ADAMTS2: variants seen among roughly 807,000 people sequenced by gnomAD.
ADAMTS2 encodes ADAM metallopeptidase with thrombospondin type 1 motif 2, also known as A disintegrin and metalloproteinase with thrombospondin motifs 2.
In ADAMTS2, 50 loss-of-function variants were observed where a neutral mutation model predicts 123.0. The observed-to-expected ratio is 0.41, with a 90% CI of 0.32 to 0.51. The LOEUF (loss-of-function observed/expected upper bound fraction) is 0.51. Ranked by LOEUF, ADAMTS2 falls within the 20% of genes least tolerant of loss-of-function variation. The probability of loss-of-function intolerance (pLI) is 0.35; values close to 1 mark genes in which losing one functional copy is unlikely to be tolerated. For synonymous variants in ADAMTS2, 678 were observed against 695.4 expected (o/e 0.98, Z 0.39); for missense variants, 1,494 against 1,705.2 (o/e 0.88, Z 2.18).
At chr5:179,204,700 C>A (rs1764637073) in intron 4 of ADAMTS2, among the ~76,000 whole-genome samples, 2 of 152,238 alleles carry the variant, frequency 1.3e-5, no homozygotes, top group African/African-American at 4.8e-5. Flanking sequence ...CAGGGCAATG[C>A]CATGCTCCAG....
intron 2 of ADAMTS2, among the ~76,000 whole-genome samples, chr5:179,326,456 A>G (rs887721645): frequency 6.6e-6 from 1 of 151,334 alleles, no homozygotes; most frequent in Non-Finnish European, 1.5e-5. Context: ...CAGGGAGAGC[A>G]TCCTACCCCG....
intron 10 of ADAMTS2, among the ~76,000 whole-genome samples, chr5:179,149,485 G>A (rs1001805545): frequency 2.0e-5 from 3 of 151,972 alleles, no homozygotes; most frequent in Admixed American, 6.5e-5. Flanking sequence ...GGCTGCGGCC[G>A]GGGCAGACTC....
chr5:179,289,588 T>C (rs1222761845), intron 2 of ADAMTS2, among the ~76,000 whole-genome samples: 4 of 151,942 alleles, frequency 2.6e-5, no homozygotes, highest in Non-Finnish European at 5.9e-5. Context: ...ATCATCGCAA[T>C]GGGAAAAAAG....
intron 4 of ADAMTS2, among the ~76,000 whole-genome samples, chr5:179,194,015 G>A (rs768051632): frequency 3.3e-5 from 5 of 152,206 alleles, no homozygotes; most frequent in African/African-American, 4.8e-5. Context: ...GACAAGCTCC[G>A]AGGCTGCCTC....
In ADAMTS2 at chr5:179,128,076, A is replaced by G; in HGVS notation, c.2500T>C (p.Tyr834His). 1 of 1,613,906 alleles carries G rather than the reference A, an allele frequency of 6.2e-7. No individual in the cohort carries two copies. The highest frequency in any genetic ancestry group is 8.5e-7 in the Non-Finnish European group (1 of 1,180,014). Residue 834 changes from tyrosine (Y) to histidine (H), a missense_variant, in exon 17 of 22, where the codon TAC (tyrosine) becomes CAC (histidine). Physicochemically the swap from Tyr to His is moderately conservative, Grantham distance 83. Transcript: ENST00000251582. The surrounding 1 kb of genome is among the most constrained non-coding windows in gnomAD (Gnocchi z 4.9). ...GDTRVSLTYK[Y>H]MIHEDSLNVD... ...TTCAGTGAGTCCTCATGGATCATGT[A>G]TTTGTACGTCAGTGAGACCCGGGTG...
rs459191 is a variant in ADAMTS2 at position 179,260,910 on chromosome 5, C to T, written c.688+12001G>A. Among the ~76,000 whole-genome samples, 2,636 of 152,182 alleles carry T rather than the reference C, an allele frequency of 0.017. 32 individuals are homozygous for T. Among genetic ancestry groups the T allele is most frequent in the Non-Finnish European group, 0.027 (1,826 of 68,032 alleles). On this transcript the variant is annotated intron_variant, in intron 3 of 21. Transcript: ENST00000251582. This position sits in a 1 kb window ranked among gnomAD's most constrained non-coding sequence, Gnocchi z 4.2. ...GTTTTCTCTCTGCTTCCAGGACTAC[C>T]GTGCCTATTAAATGACACCATGAAG... is the stretch of plus-strand genomic sequence containing the variant.
At chr5:179,207,475 TCCC>T in intron 4 of ADAMTS2, 35 bp downstream of exon 4, 1 of 588,616 alleles carries the variant, frequency 1.7e-6, no homozygotes, top group Non-Finnish European at 3.2e-6. Flanking sequence ...TGGTTGACCC[TCCC>T]CGCCCCACCC....
At chr5:179,135,339 C>T (rs1000217830) in intron 13 of ADAMTS2, among the ~76,000 whole-genome samples, 5 of 152,196 alleles carry the variant, frequency 3.3e-5, no homozygotes, top group East Asian at 1.9e-4. Flanking sequence ...CGGTTGTTTT[C>T]GGGGGAGCCT....
Position 179,215,372 on chromosome 5 carries a change from G to A in ADAMTS2, c.689-7657C>T, listed in dbSNP as rs810617. Among the ~76,000 whole-genome samples the A allele has an allele frequency of 4.5e-3, 681 of 152,192 alleles. 9 individuals are homozygous for A. Among genetic ancestry groups the A allele is most frequent in the African/African-American group, 0.016 (656 of 41,538 alleles). On this transcript the variant is annotated intron_variant, in intron 3 of 21. Transcript: ENST00000251582. ...CTGAGGCAGGAGAATCGCTTGAACC[G>A]GGGAGGCGGAGGCTGTGGTAAGCTG...
At chr5:179,156,509 G>A (rs1416630236) in intron 6 of ADAMTS2, among the ~76,000 whole-genome samples, 2 of 151,840 alleles carry the variant, frequency 1.3e-5, no homozygotes, top group Non-Finnish European at 2.9e-5. Flanking sequence ...ACAGGCACCC[G>A]CCACCATGCT....
chr5:179,303,530 C>T lies in ADAMTS2; in HGVS notation c.535-30466G>A, dbSNP rs1756587656. ...TACAAGGCAGGTCAAACTCCAGAAG[C>T]GGGCACTGGGTACAGACAGACAGAG... On this transcript the variant is annotated intron_variant, in intron 2 of 21. Transcript: ENST00000251582. The surrounding 1 kb of genome is among the most constrained non-coding windows in gnomAD (Gnocchi z 4.7). 6.6e-6 allele frequency among the ~76,000 whole-genome samples: 1 copy of T among 152,214 alleles called. No homozygotes were observed. The highest frequency in any genetic ancestry group is 1.5e-5 in the Non-Finnish European group (1 of 68,038).
At chr5:179,329,296 C>T (rs1449850449) in intron 2 of ADAMTS2, among the ~76,000 whole-genome samples, 1 of 146,560 alleles carries the variant, frequency 6.8e-6, no homozygotes, top group Non-Finnish European at 1.5e-5. Context: ...CACTGCGCTC[C>T]AGCCTGGGCA....
Position 179,303,332 on chromosome 5 carries a change from T to A in ADAMTS2, c.535-30268A>T, listed in dbSNP as rs1756583167. ...TCCAGTAGGATGGTGTGAGCACGCC[T>A]CACCTGCATCCCCCACTGCCTGCAG... On this transcript the variant is annotated intron_variant, in intron 2 of 21. Coordinates refer to ENST00000251582, the MANE Select transcript of ADAMTS2 (RefSeq NM_014244.5). The surrounding 1 kb of genome is among the most constrained non-coding windows in gnomAD (Gnocchi z 4.7). Among the ~76,000 whole-genome samples the A allele has an allele frequency of 6.6e-6, 1 of 152,160 alleles. No homozygotes were observed. Among genetic ancestry groups the A allele is most frequent in the South Asian group, 2.1e-4 (1 of 4,816 alleles).
intron 2 of ADAMTS2, among the ~76,000 whole-genome samples, chr5:179,328,745 A>G (rs1213250026): frequency 6.6e-6 from 1 of 152,218 alleles, no homozygotes; most frequent in Non-Finnish European, 1.5e-5. Flanking sequence ...GTAAAATATA[A>G]TGGAAAAGAC....
Position 179,302,374 on chromosome 5 carries a change from C to T in ADAMTS2, c.535-29310G>A, listed in dbSNP as rs552066854. On this transcript the variant is annotated intron_variant, in intron 2 of 21. Transcript: ENST00000251582. ...GCTGCTCTGGGCGACAGAGCAAGAC[C>T]GTCTCAAAAAAAAAAAAAAAAAAAA... Among the ~76,000 whole-genome samples the T allele has an allele frequency of 3.0e-4, 34 of 113,882 alleles. 1 individual carries two copies. In the South Asian group the frequency reaches 9.3e-3, roughly 31 times the overall value. 74.7% of individuals were successfully genotyped at this position (113,882 alleles called of 152,430 possible).
intron 19 of ADAMTS2, among the ~76,000 whole-genome samples, chr5:179,123,568 G>A (rs550110547): frequency 1.3e-5 from 2 of 152,246 alleles, no homozygotes; most frequent in East Asian, 3.9e-4. Flanking sequence ...AGGGAGTACA[G>A]GCACACGCCA....
chr5:179,238,607 AG>A (rs1177632628), intron 3 of ADAMTS2, among the ~76,000 whole-genome samples: 1 of 152,126 alleles, frequency 6.6e-6, no homozygotes, highest in Non-Finnish European at 1.5e-5. Context: ...GTGTCTAGAA[AG>A]GGCATCCAGG....
Position 179,345,121 on chromosome 5 carries a change from G to A in ADAMTS2, c.139+69C>T, listed in dbSNP as rs1430386561. On this transcript the variant is annotated intron_variant, in intron 1 of 21. Transcript: ENST00000251582. The surrounding 1 kb of genome is among the most constrained non-coding windows in gnomAD (Gnocchi z 7.5). The stretch of plus-strand genomic sequence containing the variant: ...AGGCTGGACGACGCCTGGGGAGGGG[G>A]CGGCGGGGCACGCGGGACAGGGCCA... The A allele has an allele frequency of 9.7e-7, 1 of 1,031,848 alleles. No homozygotes were observed. Among genetic ancestry groups the A allele is most frequent in the Non-Finnish European group, 1.2e-6 (1 of 852,910 alleles). The allele number at this position is 1,031,848 out of a possible 1,614,324, so 63.9% of individuals were successfully genotyped here.
chr5:179,223,558 A>ACACACGCGAATGCACTCG (rs1561814344), intron 3 of ADAMTS2, among the ~76,000 whole-genome samples: 2 of 150,848 alleles, frequency 1.3e-5, no homozygotes, highest in Non-Finnish European at 3.0e-5. Context: ...ATGCACTCAC[A>ACACACGCGAATGCACTCG]CACACGCGAA....
Sources: gnomAD v4.1 joint callset for allele counts (sites outside exome capture counted in the v4.1 genomes callset) on GRCh38, gnomAD v4.1.1 for gene constraint, Gnocchi (gnomAD v3.1) non-coding constraint, MANE v1.5 for transcripts, NCBI Gene and HGNC (gene_info 2026-07-23, HGNC 2026-07-21) for gene names.